Variants in PRMT8 observed in about 807,000 individuals in gnomAD.
PRMT8 encodes protein arginine N-methyltransferase 8.
A neutral mutation model predicts 47.1 loss-of-function variants in PRMT8; 7 were observed. The observed-to-expected ratio is 0.15, with a 90% CI of 0.08 to 0.28. The LOEUF is 0.28. PRMT8 is among the 10% of genes least tolerant of loss of function. The pLI, the probability that PRMT8 is intolerant of heterozygous loss-of-function variation, is 1.00. For synonymous variants in PRMT8, 188 were observed against 186.5 expected (o/e 1.01, Z -0.07); for missense variants, 237 against 505.4 (o/e 0.47, Z 5.09).
In PRMT8 at chr12:3,580,341, T is replaced by TGC. The variant is rs1565448404; in HGVS notation, c.829-2716_829-2715insCG. ...GCCAGATGGGGGGTGCGTGTGCGTGTGTGTGTGTGTGTGTGTGTGTGTGTG... is the reference window on the plus strand; with the variant it reads ...GCCAGATGGGGGGTGCGTGTGCGTGTGCGTGTGTGTGTGTGTGTGTGTGTGTG... On this transcript the variant is annotated intron_variant, in intron 7 of 9. Coordinates refer to ENST00000382622, the MANE Select transcript of PRMT8 (RefSeq NM_019854.5). The surrounding 1 kb of genome is among the most constrained non-coding windows in gnomAD (Gnocchi z 4.6). Among the ~76,000 whole-genome samples the TGC allele has an allele frequency of 4.8e-5, 7 of 146,284 alleles. No individual in the cohort carries two copies. Among genetic ancestry groups the TGC allele is most frequent in the African/African-American group, 7.5e-5 (3 of 40,100 alleles).
chr12:3,394,873 T>A (rs1336270892), intron 1 of PRMT8, among the ~76,000 whole-genome samples: 1 of 151,298 alleles, frequency 6.6e-6, no homozygotes, highest in Non-Finnish European at 1.5e-5. Context: ...CTATTGATTA[T>A]TGCCACAATT....
intron 1 of PRMT8, among the ~76,000 whole-genome samples, chr12:3,431,175 A>G (rs1417988492): frequency 6.6e-6 from 1 of 152,214 alleles, no homozygotes; most frequent in Non-Finnish European, 1.5e-5. Flanking sequence ...TTTGTTCTAG[A>G]AATACCCTTT....
intron 1 of PRMT8, among the ~76,000 whole-genome samples, chr12:3,495,414 G>T (rs555494608): frequency 1.3e-5 from 2 of 152,142 alleles, no homozygotes; most frequent in Non-Finnish European, 2.9e-5. Context: ...ATGCTTCTGT[G>T]CATACTCTTC....
In PRMT8 at chr12:3,593,179, T is replaced by C. The variant is rs1591620840; in HGVS notation, c.1182T>C (p.Arg394=). The C allele has an allele frequency of 6.2e-7, 1 of 1,613,322 alleles. No homozygotes were observed. Among genetic ancestry groups the C allele is most frequent in the East Asian group, 2.2e-5 (1 of 44,860 alleles). Residue 394 remains arginine, a synonymous_variant, in exon 10 of 10, where the codon CGT becomes CGC. Transcript: ENST00000382622. This position sits in a 1 kb window ranked among gnomAD's most constrained non-coding sequence, Gnocchi z 4.8. ...ETSVSNDYKM[R] ...CTGTATCTAATGACTACAAAATGCG[T>C]TAGCACACGTGGGAAGCTGCAGAGA...
At chr12:3,504,487 G>T (rs1024584462) in intron 1 of PRMT8, among the ~76,000 whole-genome samples, 1 of 118,946 alleles carries the variant, frequency 8.4e-6, no homozygotes, top group Non-Finnish European at 2.0e-5. Context: ...TGCCCCTGGT[G>T]GGGGGTGCCT....
At chr12:3,474,961 T>G (rs1865195934) in intron 1 of PRMT8, among the ~76,000 whole-genome samples, 1 of 152,184 alleles carries the variant, frequency 6.6e-6, no homozygotes, top group Non-Finnish European at 1.5e-5. Context: ...TGTTTCTTGG[T>G]TATTGTTCTG....
chr12:3,505,528 A>G (rs551302778), intron 1 of PRMT8, among the ~76,000 whole-genome samples: 40 of 152,212 alleles, frequency 2.6e-4, no homozygotes, highest in Non-Finnish European at 5.7e-4. Context: ...CCATTTTAGC[A>G]TACATATTAT....
chr12:3,451,033 ACCCCCCCCCCCCCC>A (rs71061115), intron 1 of PRMT8, among the ~76,000 whole-genome samples: 5 of 26,088 alleles, frequency 1.9e-4, no homozygotes, highest in Non-Finnish European at 2.7e-4. Context: ...TCTTGCTGAC[ACCCCCCCCCCCCCC>A]CCCCCCCCGC....
chr12:3,533,209 G>A (rs899668587), intron 1 of PRMT8, among the ~76,000 whole-genome samples: 1 of 152,184 alleles, frequency 6.6e-6, no homozygotes, highest in African/African-American at 2.4e-5. Context: ...GGCAGATCTG[G>A]AGAGCGTCTG....
intron 1 of PRMT8, among the ~76,000 whole-genome samples, chr12:3,448,865 G>A (rs1273887963): frequency 1.3e-5 from 2 of 152,046 alleles, no homozygotes; most frequent in African/African-American, 2.4e-5. Flanking sequence ...ACATGCATTA[G>A]CTATTTATCC....
chr12:3,482,881 G>A lies in PRMT8; in HGVS notation c.49-57725G>A, dbSNP rs190404101. Reference sequence around the variant, plus strand: ...CCAGGCCCATCTCTCTCGGCAAATGGGAATTTTGGGGGCTCAGAGTGGTTG... The same window carrying A: ...CCAGGCCCATCTCTCTCGGCAAATGAGAATTTTGGGGGCTCAGAGTGGTTG... On this transcript the variant is annotated intron_variant, in intron 1 of 9. Transcript: ENST00000452611. 1.4e-4 allele frequency among the ~76,000 whole-genome samples: 21 copies of A among 152,288 alleles called. No individual in the cohort carries two copies. The East Asian group carries it at 3.9e-3, about 28-fold the overall frequency.
Position 3,465,463 on chromosome 12 carries a change from T to G in PRMT8, c.49-75143T>G, listed in dbSNP as rs1265482821. Among the ~76,000 whole-genome samples, 4 of 151,904 alleles carry G rather than the reference T, an allele frequency of 2.6e-5. No individual in the cohort carries two copies. In the East Asian group the frequency reaches 7.7e-4, roughly 29 times the overall value. On this transcript the variant is annotated intron_variant, in intron 1 of 9. Coordinates refer to the PRMT8 transcript ENST00000452611. ...TCCAAATTCCTTTTCTGGGAACTTT[T>G]GTTTGTGGGGTTTAGAAAGAGGAGC...
chr12:3,545,177 AC>A (rs1866306341), intron 2 of PRMT8, among the ~76,000 whole-genome samples: 1 of 152,230 alleles, frequency 6.6e-6, no homozygotes, highest in African/African-American at 2.4e-5. Flanking sequence ...AGATGAGGGA[AC>A]TGAGGCACAG....
chr12:3,528,690 C>T lies in PRMT8; in HGVS notation c.76-11916C>T, dbSNP rs1277882650. On this transcript the variant is annotated intron_variant, in intron 1 of 9. Coordinates refer to ENST00000382622, the MANE Select transcript of PRMT8 (RefSeq NM_019854.5). The stretch of plus-strand genomic sequence containing the variant: ...CTTTATAGGTAGTATTTTCTTGCTT[C>T]TTTGCAAGCCTAGTAATTTTTGACT... 2.6e-5 allele frequency among the ~76,000 whole-genome samples: 4 copies of T among 151,728 alleles called. No individual in the cohort carries two copies. The South Asian group carries it at 8.3e-4, about 32-fold the overall frequency.
chr12:3,454,037 T>C lies in PRMT8; in HGVS notation c.48+72595T>C, dbSNP rs111600602. Among the ~76,000 whole-genome samples the C allele has an allele frequency of 1.7e-3, 258 of 152,220 alleles. No homozygotes were observed. The East Asian group carries it at 0.033, about 19-fold the overall frequency. On this transcript the variant is annotated intron_variant, in intron 1 of 9. Transcript: ENST00000452611. ...AAGGCCAGGCACAGCAATGCGGGCG[T>C]CAGCCTAGCCCAGCCTCTAGAGAAC...
In PRMT8 at chr12:3,416,268, T is replaced by G. The variant is rs115538448; in HGVS notation, c.48+34826T>G. Among the ~76,000 whole-genome samples, 729 of 152,260 alleles carry G rather than the reference T, an allele frequency of 4.8e-3. 3 individuals carry two copies. Among genetic ancestry groups the G allele is most frequent in the African/African-American group, 0.017 (694 of 41,560 alleles). On this transcript the variant is annotated intron_variant, in intron 1 of 9. Coordinates refer to the PRMT8 transcript ENST00000452611. ...GCTGACATCATCCCCTATCAAGAGA[T>G]TTTTTTCCACTCCCTCTCTCCTACC...
chr12:3,435,774 C>G (rs1381898505), intron 1 of PRMT8, among the ~76,000 whole-genome samples: 1 of 152,256 alleles, frequency 6.6e-6, no homozygotes, highest in East Asian at 1.9e-4. Flanking sequence ...CCGGCCTCGG[C>G]CTCCCAGAGT....
chr12:3,456,816 G>A lies in PRMT8; in HGVS notation c.48+75374G>A, dbSNP rs2137084726. Among the ~76,000 whole-genome samples the A allele has an allele frequency of 6.6e-6, 1 of 152,172 alleles. No homozygotes were observed. The highest frequency in any genetic ancestry group is 6.5e-5 in the Admixed American group (1 of 15,276). Reference sequence around the variant, plus strand: ...AAAATGTCACCAAACAAAGAGAATCGAACCCCTCTAGCCAGGAAAGCAGAT... The same window carrying A: ...AAAATGTCACCAAACAAAGAGAATCAAACCCCTCTAGCCAGGAAAGCAGAT... On this transcript the variant is annotated intron_variant, in intron 1 of 9. Transcript: ENST00000452611. The surrounding 1 kb of genome is among the most constrained non-coding windows in gnomAD (Gnocchi z 4.2).
chr12:3,382,761 T>C (rs1320892111), intron 1 of PRMT8, among the ~76,000 whole-genome samples: 1 of 152,252 alleles, frequency 6.6e-6, no homozygotes, highest in Non-Finnish European at 1.5e-5. Context: ...TGAAACATGC[T>C]TTTGGTGTCA....
Sources: allele counts gnomAD v4.1 joint callset (sites outside exome capture counted in the v4.1 genomes callset), GRCh38; gene constraint gnomAD v4.1.1; non-coding constraint Gnocchi (gnomAD v3.1); transcripts MANE v1.5; gene names NCBI Gene and HGNC (gene_info 2026-07-23, HGNC 2026-07-21).